SORCS1: variants seen among roughly 807,000 people sequenced by gnomAD.
SORCS1 encodes the protein sortilin related VPS10 domain containing receptor 1, also known as VPS10 domain-containing receptor SorCS1.
A neutral mutation model predicts 146.1 loss-of-function variants in SORCS1; 60 were observed. The ratio of observed to expected loss-of-function variants is 0.41; its 90% confidence interval spans 0.33 to 0.51. The LOEUF (loss-of-function observed/expected upper bound fraction) is 0.51, where lower values mean the gene tolerates loss of function less well. Ranked by LOEUF, SORCS1 falls within the 20% of genes least tolerant of loss-of-function variation. The probability of loss-of-function intolerance (pLI) is 0.21; values close to 1 mark genes in which losing one functional copy is unlikely to be tolerated. For missense variants in SORCS1, 1,352 were observed against 1,487.6 expected (o/e 0.91, Z 1.50); for synonymous variants, 637 against 584.0 (o/e 1.09, Z -1.31).
rs576854059 is a variant in SORCS1, at chr10:107,082,939, T to C, written c.558+81030A>G. 1.6e-4 allele frequency among the ~76,000 whole-genome samples: 24 copies of C among 151,584 alleles called. 1 individual carries two copies. In the South Asian group the frequency reaches 5.0e-3, roughly 32 times the overall value. On this transcript the variant is annotated intron_variant, in intron 1 of 25. Transcript: ENST00000263054. ...GCCTAACATGGTGAAACCCCGTCTC[T>C]AGAAAAAATACAAAAAAAAATTAGC...
At chr10:106,926,303 T>C (rs1002801903) in intron 2 of SORCS1, among the ~76,000 whole-genome samples, 12 of 152,338 alleles carry the variant, frequency 7.9e-5, no homozygotes, top group African/African-American at 2.9e-4. Context: ...GCTTTTTAAA[T>C]AATCGTGTGC....
intron 2 of SORCS1, among the ~76,000 whole-genome samples, chr10:106,929,773 GCACACA>G (rs36086801): frequency 0.021 from 3,096 of 150,374 alleles, 41 homozygotes; most frequent in Non-Finnish European, 0.03. Context: ...ATGTGCACGT[GCACACA>G]CACACACACA....
rs117542079 is a variant in SORCS1, at chr10:107,012,287, T to C, written c.559-55707A>G. On this transcript the variant is annotated intron_variant, in intron 1 of 25. Coordinates refer to ENST00000263054, the MANE Select transcript of SORCS1 (RefSeq NM_052918.5). ...TTTATGGCTAGACATTTGAGATATG[T>C]CAGCAGAGGTTTGCAGAACTGCAGT... is the stretch of plus-strand genomic sequence containing the variant. Among the ~76,000 whole-genome samples, 1,067 of 152,292 alleles carry C rather than the reference T, an allele frequency of 7.0e-3. 3 individuals are homozygous for C. Among genetic ancestry groups the C allele is most frequent in the Non-Finnish European group, 0.011 (721 of 68,032 alleles).
At chr10:106,944,871 CTTCTTT>C (rs1954237126) in intron 2 of SORCS1, among the ~76,000 whole-genome samples, 12 of 61,024 alleles carry the variant, frequency 2.0e-4, no homozygotes, top group African/African-American at 4.0e-4. Flanking sequence ...AAGAAAGAGC[CTTCTTT>C]TTTTTTTTTT....
chr10:106,836,431 C>T (rs1245560564), intron 2 of SORCS1, among the ~76,000 whole-genome samples: 2 of 147,270 alleles, frequency 1.4e-5, no homozygotes, highest in Non-Finnish European at 3.0e-5. Flanking sequence ...GCCGAGATTG[C>T]GCCACTGCAC....
intron 2 of SORCS1, among the ~76,000 whole-genome samples, chr10:106,880,695 TAACA>T (rs1210846312): frequency 6.6e-6 from 1 of 152,046 alleles, no homozygotes; most frequent in Non-Finnish European, 1.5e-5. Flanking sequence ...AAAAATAACC[TAACA>T]AACAATGAAG....
intron 1 of SORCS1, among the ~76,000 whole-genome samples, chr10:106,967,525 G>A (rs1347135394): frequency 1.3e-5 from 2 of 152,052 alleles, no homozygotes; most frequent in South Asian, 2.1e-4. Flanking sequence ...TAGTAAAATA[G>A]AAAAATGAAA....
intron 1 of SORCS1, among the ~76,000 whole-genome samples, chr10:107,019,774 G>T (rs536564501): frequency 5.3e-5 from 8 of 152,368 alleles, no homozygotes; most frequent in Admixed American, 1.3e-4. Flanking sequence ...TTCGTGAGGT[G>T]TGCTGTACTG....
At chr10:107,037,929 C>A (rs775856779) in intron 1 of SORCS1, among the ~76,000 whole-genome samples, 1 of 152,194 alleles carries the variant, frequency 6.6e-6, no homozygotes, top group African/African-American at 2.4e-5. Flanking sequence ...CAGGTTCAAG[C>A]GATTCTTGTG....
chr10:106,830,131 C>T (rs1948475704), intron 2 of SORCS1, among the ~76,000 whole-genome samples: 1 of 152,158 alleles, frequency 6.6e-6, no homozygotes, highest in African/African-American at 2.4e-5. Flanking sequence ...AAAGGTCAGT[C>T]AGTCTTTTCT....
intron 5 of SORCS1, 76 bp downstream of exon 5, chr10:106,761,512 G>C: frequency 7.7e-7 from 1 of 1,300,080 alleles, no homozygotes; most frequent in Non-Finnish European, 1.1e-6. Flanking sequence ...GTGAGAACAA[G>C]ATTCCAATGG....
chr10:107,154,599 G>A (rs1318787550), intron 1 of SORCS1, among the ~76,000 whole-genome samples: 1 of 152,082 alleles, frequency 6.6e-6, no homozygotes, highest in African/African-American at 2.4e-5. Flanking sequence ...GAAACAGCTA[G>A]AGTTGCTGAC....
chr10:106,794,494 T>C (rs548533699), intron 3 of SORCS1, among the ~76,000 whole-genome samples: 1 of 147,266 alleles, frequency 6.8e-6, no homozygotes, highest in East Asian at 1.9e-4. Flanking sequence ...TGTTTCCTTT[T>C]CTTTTTCTTT....
intron 2 of SORCS1, among the ~76,000 whole-genome samples, chr10:106,934,832 G>A (rs1470399921): frequency 6.6e-6 from 1 of 152,152 alleles, no homozygotes; most frequent in Non-Finnish European, 1.5e-5. Flanking sequence ...ATTACCATAT[G>A]TTCTCATTTA....
chr10:107,106,967 C>T (rs896159376), intron 1 of SORCS1, among the ~76,000 whole-genome samples: 1 of 152,202 alleles, frequency 6.6e-6, no homozygotes, highest in Non-Finnish European at 1.5e-5. Context: ...ATTTGGGGCT[C>T]AAGGTCCCAG....
At chr10:106,873,474 T>G (rs1950486121) in intron 2 of SORCS1, among the ~76,000 whole-genome samples, 1 of 152,118 alleles carries the variant, frequency 6.6e-6, no homozygotes, top group Non-Finnish European at 1.5e-5. Flanking sequence ...TCACAAAACT[T>G]CAGAAAACAC....
intron 2 of SORCS1, among the ~76,000 whole-genome samples, chr10:106,895,899 TATC>T (rs921824818): frequency 2.6e-5 from 4 of 151,852 alleles, no homozygotes; most frequent in African/African-American, 9.7e-5. Flanking sequence ...GACAAAATGT[TATC>T]ATACATATAC....
At chr10:106,667,403 C>G (rs1851243041) in intron 17 of SORCS1, 2 of 326,222 alleles carry the variant, frequency 6.1e-6, no homozygotes, top group Non-Finnish European at 1.1e-5. Context: ...GATTAAATAG[C>G]TTGAAAACAA....
intron 25 of SORCS1, 47 bp from the exon 26 acceptor site, chr10:106,577,602 G>A (rs2133181562): frequency 6.2e-7 from 1 of 1,608,936 alleles, no homozygotes; most frequent in Non-Finnish European, 8.5e-7. Context: ...CACTGGAAAG[G>A]GAAAGGTGTC....
Sources: gnomAD v4.1 joint callset for allele counts (sites outside exome capture counted in the v4.1 genomes callset) on GRCh38, gnomAD v4.1.1 for gene constraint, MANE v1.5 for transcripts, NCBI Gene and HGNC (gene_info 2026-07-23, HGNC 2026-07-21) for gene names.